The following ROBO1 variants were observed in gnomAD, a reference collection of about 807,000 sequenced individuals.
ROBO1 encodes roundabout guidance receptor 1, also known as roundabout homolog 1.
Under a neutral mutation model 195.9 loss-of-function variants are expected in ROBO1, and 149 were observed. The ratio of observed to expected loss-of-function variants is 0.76; its 90% CI spans 0.67 to 0.87. ROBO1 has a LOEUF of 0.87. ROBO1 is among the 40% of genes least tolerant of loss of function. The pLI is 0.00. For synonymous variants in ROBO1, 816 were observed against 733.2 expected (o/e 1.11, Z -1.82); for missense variants, 1,933 against 2,068.3 (o/e 0.93, Z 1.27).
At chr3:78,739,710 C>T (rs568076706) in intron 5 of ROBO1, among the ~76,000 whole-genome samples, 76 of 152,118 alleles carry the variant, frequency 5.0e-4, no homozygotes, top group Admixed American at 7.9e-4. Flanking sequence ...ATTTAAAAAC[C>T]TTTGTTATGT....
chr3:78,929,501 T>C (rs2039394100), intron 4 of ROBO1, among the ~76,000 whole-genome samples: 1 of 151,270 alleles, frequency 6.6e-6, no homozygotes. Flanking sequence ...TATTTATTTA[T>C]TTATTTATTT....
intron 3 of ROBO1, among the ~76,000 whole-genome samples, chr3:78,974,308 C>T (rs1278234964): frequency 2.0e-5 from 3 of 151,292 alleles, no homozygotes; most frequent in African/African-American, 7.3e-5. Context: ...TCCAGTGATT[C>T]AGAACTTTAG....
At chr3:79,423,467 G>A (rs1485112421) in intron 2 of ROBO1, among the ~76,000 whole-genome samples, 2 of 152,078 alleles carry the variant, frequency 1.3e-5, no homozygotes, top group African/African-American at 4.8e-5. Flanking sequence ...ACAGCTTTAT[G>A]GTGTTATAGG....
intron 2 of ROBO1, among the ~76,000 whole-genome samples, chr3:79,394,588 C>A (rs570952345): frequency 6.6e-6 from 1 of 151,688 alleles, no homozygotes; most frequent in Non-Finnish European, 1.5e-5. Context: ...AATATGGAAG[C>A]GACTGTATAG....
intron 10 of ROBO1, 95 bp from the exon 11 acceptor site, chr3:78,670,396 CTAAAGA>C (rs1245027477): frequency 3.9e-6 from 4 of 1,021,684 alleles, no homozygotes; most frequent in Admixed American, 2.4e-5. Context: ...TTGAAACAAA[CTAAAGA>C]TAATTAAACA....
intron 4 of ROBO1, among the ~76,000 whole-genome samples, chr3:78,889,011 C>G (rs776396253): frequency 1.6e-4 from 25 of 152,090 alleles, no homozygotes; most frequent in Non-Finnish European, 3.2e-4. Flanking sequence ...AAGATGATGC[C>G]TTCTGTAGAA....
At chr3:79,564,895 T>C (rs1943042361) in intron 2 of ROBO1, among the ~76,000 whole-genome samples, 2 of 152,098 alleles carry the variant, frequency 1.3e-5, no homozygotes, top group Admixed American at 1.3e-4. Context: ...GCAAAGCCTA[T>C]GAAATACACT....
intron 2 of ROBO1, among the ~76,000 whole-genome samples, chr3:79,385,072 T>C (rs905564234): frequency 6.6e-6 from 1 of 152,104 alleles, no homozygotes; most frequent in South Asian, 2.1e-4. Context: ...TGAATTTAAG[T>C]GTACCATGAA....
intron 2 of ROBO1, among the ~76,000 whole-genome samples, chr3:79,335,117 A>T (rs2034611780): frequency 6.6e-6 from 1 of 152,180 alleles, no homozygotes; most frequent in Non-Finnish European, 1.5e-5. Flanking sequence ...GCTCCATAAA[A>T]ACAAAAAACA....
At chr3:78,759,335 C>T (rs375098326) in intron 4 of ROBO1, 1 of 151,290 alleles carries the variant, frequency 6.6e-6, no homozygotes, top group Non-Finnish European at 1.5e-5. Context: ...TCTCAGGCCA[C>T]GCATGTCATC....
chr3:79,643,695 C>T (rs577711927), intron 1 of ROBO1, among the ~76,000 whole-genome samples: 130 of 151,788 alleles, frequency 8.6e-4, no homozygotes, highest in African/African-American at 3.0e-3. Flanking sequence ...CTTTGTAAGT[C>T]TCATGGTAAC....
At chr3:79,558,446 G>T (rs1434696315) in intron 2 of ROBO1, among the ~76,000 whole-genome samples, 1 of 152,150 alleles carries the variant, frequency 6.6e-6, no homozygotes, top group African/African-American at 2.4e-5. Context: ...AAATATGTAT[G>T]AATCGAGTGT....
Position 78,659,756 on chromosome 3 carries a change from C to A in ROBO1, c.2372G>T (p.Gly791Val). 1 of 1,599,010 alleles carries A rather than the reference C, an allele frequency of 6.3e-7. No homozygotes were observed. The highest frequency in any genetic ancestry group is 8.5e-7 in the Non-Finnish European group (1 of 1,171,978). ...CTGCCAACTAACTAGAATTGCAGTTCCGTTTCCATCATTCTTGGATACAGT... is the reference window on the plus strand; with the variant it reads ...CTGCCAACTAACTAGAATTGCAGTTACGTTTCCATCATTCTTGGATACAGT... ...GVTVSKNDGNGTAILVSWQPP... is the reference protein window; with the variant it reads ...GVTVSKNDGNVTAILVSWQPP... Residue 791 changes from glycine to valine, a missense_variant, in exon 17 of 31, where the codon GGA (glycine) becomes GTA (valine). Around this residue, in one of 3 missense-constraint regions of ROBO1, gnomAD observed 1,737 missense variants for 1,882.5 expected, o/e 0.92. Transcript: ENST00000464233.
At chr3:79,575,229 TATATATAA>T (rs1200040873) in intron 2 of ROBO1, among the ~76,000 whole-genome samples, 44 of 114,498 alleles carry the variant, frequency 3.8e-4, no homozygotes, top group African/African-American at 7.8e-4. Flanking sequence ...ATATAACAAA[TATATATAA>T]ATATATATAA....
At chr3:78,670,443 A>AAAATGCATCATAT in intron 10 of ROBO1, 142 bp from the exon 11 acceptor site, 1 of 678,178 alleles carries the variant, frequency 1.5e-6, no homozygotes, top group Non-Finnish European at 2.5e-6. Flanking sequence ...TGCATTATTC[A>AAAATGCATCATAT]AAATGCATTT....
intron 2 of ROBO1, among the ~76,000 whole-genome samples, chr3:79,247,095 G>A (rs1576871152): frequency 1.4e-5 from 2 of 147,454 alleles, no homozygotes; most frequent in African/African-American, 2.5e-5. Flanking sequence ...ATTGCATAAC[G>A]TTCTGGAGAA....
chr3:79,195,991 T>C (rs940109141), intron 2 of ROBO1, among the ~76,000 whole-genome samples: 1 of 151,574 alleles, frequency 6.6e-6, no homozygotes, highest in African/African-American at 2.4e-5. Flanking sequence ...TAATTATTTA[T>C]TAAATAAGGA....
At chr3:79,545,426 G>T (rs1165977793) in intron 2 of ROBO1, among the ~76,000 whole-genome samples, 1 of 152,082 alleles carries the variant, frequency 6.6e-6, no homozygotes, top group Non-Finnish European at 1.5e-5. Flanking sequence ...CCTGCATTTC[G>T]ACATGACCAT....
At chr3:78,680,018 A>T (rs983868745) in intron 10 of ROBO1, among the ~76,000 whole-genome samples, 1 of 152,194 alleles carries the variant, frequency 6.6e-6, no homozygotes, top group African/African-American at 2.4e-5. Context: ...AAGCCTCAGA[A>T]ATAACGCCGC....
Sources: allele counts gnomAD v4.1 joint callset (sites outside exome capture counted in the v4.1 genomes callset), GRCh38; gene constraint gnomAD v4.1.1; regional missense constraint gnomAD v4.1.1; transcripts MANE v1.5; gene names NCBI Gene and HGNC (gene_info 2026-07-23, HGNC 2026-07-21).